Variants in PALD1 observed in about 807,000 individuals in gnomAD.
PALD1 encodes the protein paladin.
PALD1 carries 57 observed loss-of-function variants against 96.0 expected under a neutral mutation model. That is an observed-to-expected ratio of 0.59 (90% CI 0.48 to 0.74). The LOEUF is 0.74. Among genes scored for constraint, PALD1 ranks in the 30% least tolerant of loss-of-function variants. PALD1 has a pLI of 0.00. For synonymous variants in PALD1, 464 were observed against 473.6 expected (o/e 0.98, Z 0.26); for missense variants, 1,063 against 1,143.7 (o/e 0.93, Z 1.02).
At chr10:70,504,549 T>C (rs2132300560) in intron 1 of PALD1, among the ~76,000 whole-genome samples, 1 of 152,312 alleles carries the variant, frequency 6.6e-6, no homozygotes, top group Non-Finnish European at 1.5e-5. Flanking sequence ...AAAACACGTA[T>C]TTATAAATTC....
At chr10:70,476,782 G>C (rs186548926), upstream of PALD1, among the ~76,000 whole-genome samples, 3 of 152,118 alleles carry the variant, frequency 2.0e-5, no homozygotes, top group Non-Finnish European at 4.4e-5. Context: ...CCAAAAGACA[G>C]GTCAGGCACA....
intron 18 of PALD1, among the ~76,000 whole-genome samples, chr10:70,554,903 TC>T (rs1847560999): frequency 1.3e-5 from 1 of 79,974 alleles, no homozygotes; most frequent in Non-Finnish European, 2.5e-5. Flanking sequence ...TTTTTGAGCC[TC>T]CCCTCCCCTC....
the PALD1 span, among the ~76,000 whole-genome samples, chr10:70,467,933 G>A: frequency 1.3e-5 from 2 of 152,044 alleles, no homozygotes; most frequent in South Asian, 2.1e-4. Context: ...TCTGAAGTTC[G>A]CCACCTGCCA....
intron 18 of PALD1, among the ~76,000 whole-genome samples, chr10:70,557,685 G>A (rs1057286710): frequency 3.3e-5 from 5 of 152,170 alleles, no homozygotes; most frequent in African/African-American, 4.8e-5. Context: ...GGTGCTGCAC[G>A]TGGGAAGAGG....
intron 1 of PALD1, among the ~76,000 whole-genome samples, chr10:70,495,698 C>T (rs1317890524): frequency 1.3e-5 from 2 of 152,118 alleles, no homozygotes; most frequent in African/African-American, 4.8e-5. Context: ...GTACAAGTTA[C>T]TTTTGTAATA....
At chr10:70,480,910 A>G (rs542591077) in intron 1 of PALD1, among the ~76,000 whole-genome samples, 1 of 152,224 alleles carries the variant, frequency 6.6e-6, no homozygotes, top group Non-Finnish European at 1.5e-5. Flanking sequence ...TTGAGGACAG[A>G]CACAGGAGGA....
chr10:70,560,127 G>T (rs1032194138), intron 18 of PALD1, among the ~76,000 whole-genome samples: 1 of 152,224 alleles, frequency 6.6e-6, no homozygotes, highest in Non-Finnish European at 1.5e-5. Flanking sequence ...TAATTGAAAG[G>T]TTCAGCCTGA....
In PALD1 at chr10:70,531,463, C is replaced by G. The variant is rs370232855; in HGVS notation, c.633+9C>G. The G allele has an allele frequency of 3.1e-6, 5 of 1,609,572 alleles. No homozygotes were observed. The highest frequency in any genetic ancestry group is 3.4e-6 in the Non-Finnish European group (4 of 1,177,012). On this transcript the variant is annotated intron_variant, in intron 5 of 19. Transcript: ENST00000263563. ...TGGCCATCCGGAAAGAGGTGAGGAC[C>G]AGTGCGGTGTGCGGGAGACCCCAGC...
chr10:70,537,597 C>T (rs979754140), intron 10 of PALD1, among the ~76,000 whole-genome samples: 3 of 152,232 alleles, frequency 2.0e-5, no homozygotes, highest in African/African-American at 7.2e-5. Flanking sequence ...CTGGTGTGGT[C>T]ACCCACATAT....
chr10:70,492,748 C>A (rs1235298222), intron 1 of PALD1, among the ~76,000 whole-genome samples: 1 of 152,138 alleles, frequency 6.6e-6, no homozygotes, highest in Admixed American at 6.5e-5. Flanking sequence ...TGAGCCACCA[C>A]CTGGCCTTGA....
At chr10:70,564,195 C>T (rs1398544874) in intron 18 of PALD1, among the ~76,000 whole-genome samples, 169 bp from the exon 19 acceptor site, 1 of 152,274 alleles carries the variant, frequency 6.6e-6, no homozygotes, top group Admixed American at 6.5e-5. Flanking sequence ...GCTCCTGACC[C>T]GCGGCCCTGG....
intron 15 of PALD1, 56 bp from the exon 16 acceptor site, chr10:70,541,046 G>A: frequency 2.0e-6 from 3 of 1,524,960 alleles, no homozygotes; most frequent in Middle Eastern, 1.8e-4. Flanking sequence ...GGACCCTGTT[G>A]GGGTTTGTGC....
intron 18 of PALD1, among the ~76,000 whole-genome samples, chr10:70,554,045 G>A (rs555870902): frequency 4.6e-5 from 7 of 152,338 alleles, no homozygotes; most frequent in African/African-American, 1.7e-4. Context: ...GCCCACGGCG[G>A]TGCCCCTCTG....
intron 10 of PALD1, among the ~76,000 whole-genome samples, chr10:70,535,598 C>T (rs1462264993): frequency 2.0e-5 from 3 of 146,462 alleles, no homozygotes; most frequent in African/African-American, 7.6e-5. Context: ...CTCCTTCCTT[C>T]TCCTTCCTCT....
rs1847228932 is a variant in PALD1, at chr10:70,540,939, G to T, written c.1909-163G>T. Among the ~76,000 whole-genome samples the T allele has an allele frequency of 2.0e-5, 3 of 152,228 alleles. No individual in the cohort carries two copies. Among genetic ancestry groups the T allele is most frequent in the Admixed American group, 2.0e-4 (3 of 15,292 alleles). ...AGGTGCAGCTGTTTACACGCACATGGTCTCATGCACCCCGGTGAGTTTTGT... is the reference window on the plus strand; with the variant it reads ...AGGTGCAGCTGTTTACACGCACATGTTCTCATGCACCCCGGTGAGTTTTGT... On this transcript the variant is annotated intron_variant, in intron 15 of 19. Transcript: ENST00000263563. This position sits in a 1 kb window ranked among gnomAD's most constrained non-coding sequence, Gnocchi z 4.2.
chr10:70,463,327 G>A, the PALD1 span, among the ~76,000 whole-genome samples: 5 of 152,034 alleles, frequency 3.3e-5, no homozygotes, highest in African/African-American at 1.2e-4. Context: ...GGAGAATGGC[G>A]TGAACCCGGC....
intron 18 of PALD1, among the ~76,000 whole-genome samples, chr10:70,559,362 A>T (rs1437375761): frequency 6.6e-6 from 1 of 152,084 alleles, no homozygotes; most frequent in Non-Finnish European, 1.5e-5. Flanking sequence ...GGTAGAGGTT[A>T]TGGGGACAGG....
chr10:70,531,165 T>C, intron 4 of PALD1, 125 bp from the exon 5 acceptor site: 1 of 744,518 alleles, frequency 1.3e-6, no homozygotes, highest in Non-Finnish European at 2.2e-6. Context: ...GGATTCAGGT[T>C]GCAGGGATGG....
At chr10:70,458,742 C>G in the PALD1 span, among the ~76,000 whole-genome samples, 1 of 152,230 alleles carries the variant, frequency 6.6e-6, no homozygotes, top group East Asian at 1.9e-4. Flanking sequence ...TGGGGGTTAC[C>G]CAGGGCTCTG....
Sources: allele counts gnomAD v4.1 joint callset (sites outside exome capture counted in the v4.1 genomes callset), GRCh38; gene constraint gnomAD v4.1.1; non-coding constraint Gnocchi (gnomAD v3.1); transcripts MANE v1.5; gene names NCBI Gene and HGNC (gene_info 2026-07-23, HGNC 2026-07-21).